The following VAV1 variants were observed in gnomAD, a reference collection of about 807,000 sequenced individuals.
The protein encoded by VAV1 is vav guanine nucleotide exchange factor 1.
In VAV1, 33 loss-of-function variants were observed where a neutral mutation model predicts 128.1. That is an observed-to-expected ratio of 0.26 (90% CI 0.20 to 0.34). The LOEUF is 0.34. VAV1 is among the 10% of genes least tolerant of loss of function. The pLI is 1.00. For missense variants in VAV1, 715 were observed against 1,093.7 expected, an observed-to-expected ratio of 0.65 and a Z score of 4.88; for synonymous variants, 394 against 409.8, an observed-to-expected ratio of 0.96 and a Z score of 0.47.
chr19:6,785,388 G>A (rs1421956300), intron 1 of VAV1, among the ~76,000 whole-genome samples: 1 of 152,172 alleles, frequency 6.6e-6, no homozygotes, highest in Non-Finnish European at 1.5e-5. Context: ...CTGGAGTGCA[G>A]TGACATGATC....
intron 24 of VAV1, among the ~76,000 whole-genome samples, chr19:6,851,352 A>T (rs186482240): frequency 0.023 from 3,436 of 149,786 alleles, 141 homozygotes; most frequent in African/African-American, 0.079. Flanking sequence ...TTAAAAAAAA[A>T]TTTTTTTTTT....
chr19:6,798,606 T>C (rs962145554), intron 1 of VAV1, among the ~76,000 whole-genome samples: 13 of 152,082 alleles, frequency 8.5e-5, no homozygotes, highest in African/African-American at 3.1e-4. Context: ...TGAGCCAGGA[T>C]TGCACCACTG....
intron 13 of VAV1, 62 bp from the exon 14 acceptor site, chr19:6,829,724 T>A: frequency 1.2e-6 from 2 of 1,601,748 alleles, no homozygotes; most frequent in Non-Finnish European, 1.7e-6. Context: ...GAGGAACTGG[T>A]CAGAGGGCTG....
At chr19:6,827,147 CGG>C (rs1019423111) in intron 9 of VAV1, 11 of 187,856 alleles carry the variant, frequency 5.9e-5, no homozygotes, top group African/African-American at 2.5e-4. Flanking sequence ...GTGGTGAGGA[CGG>C]GGGCTCTCCA....
At chr19:6,784,324 C>A in intron 1 of VAV1, 2 of 463,330 alleles carry the variant, frequency 4.3e-6, no homozygotes, top group East Asian at 3.2e-5. Context: ...TGAGCCAAGG[C>A]CATGGGGGAG....
At chr19:6,799,032 TCTGTGACTGG>T (rs1971204487) in intron 1 of VAV1, among the ~76,000 whole-genome samples, 1 of 152,112 alleles carries the variant, frequency 6.6e-6, no homozygotes. Context: ...TCTGTGGTCT[TCTGTGACTGG>T]CTGCTTTCCC....
intron 1 of VAV1, among the ~76,000 whole-genome samples, chr19:6,814,672 CTTTCTTTCTTTCT>C (rs1261133024): frequency 1.4e-5 from 1 of 70,816 alleles, no homozygotes; most frequent in African/African-American, 7.4e-5. Flanking sequence ...TCCTTCCTTC[CTTTCTTTCTTTCT>C]TTCTTTCTTT....
chr19:6,786,536 A>C (rs1970897945), intron 1 of VAV1, among the ~76,000 whole-genome samples: 1 of 152,170 alleles, frequency 6.6e-6, no homozygotes, highest in Admixed American at 6.6e-5. Context: ...TAATCTTAAG[A>C]CATTGGGAGG....
intron 1 of VAV1, among the ~76,000 whole-genome samples, chr19:6,776,482 A>G (rs1970643467): frequency 6.8e-6 from 1 of 147,392 alleles, no homozygotes; most frequent in Non-Finnish European, 1.5e-5. Context: ...CCATCCATTC[A>G]TCCATTCATC....
At chr19:6,798,576 C>A (rs1971192123) in intron 1 of VAV1, among the ~76,000 whole-genome samples, 1 of 152,088 alleles carries the variant, frequency 6.6e-6, no homozygotes. Flanking sequence ...TCATTTGAAC[C>A]CAGGAAGTCG....
intron 1 of VAV1, among the ~76,000 whole-genome samples, chr19:6,798,668 C>A (rs1042003730): frequency 1.5e-4 from 22 of 151,210 alleles, no homozygotes; most frequent in Non-Finnish European, 2.7e-4. Flanking sequence ...TTCCCCCCCC[C>A]ACCCAAAAGA....
intron 1 of VAV1, among the ~76,000 whole-genome samples, chr19:6,814,671 C>CTCTCT (rs540074087): frequency 3.9e-5 from 1 of 25,796 alleles, no homozygotes; most frequent in African/African-American, 1.6e-4. Context: ...TTCCTTCCTT[C>CTCTCT]CTTTCTTTCT....
At chr19:6,850,185 G>GT (rs1191629395) in intron 23 of VAV1, among the ~76,000 whole-genome samples, 5 of 78,436 alleles carry the variant, frequency 6.4e-5, no homozygotes, top group African/African-American at 9.2e-5. Context: ...CATTTCTAGT[G>GT]TTTTTTTAAA....
intron 1 of VAV1, among the ~76,000 whole-genome samples, chr19:6,817,757 G>C (rs564702697): frequency 5.3e-5 from 8 of 152,182 alleles, no homozygotes; most frequent in Non-Finnish European, 1.0e-4. Context: ...CACCGTCGTG[G>C]CTCACCGCAG....
rs1398048667 is a variant in VAV1 at position 6,826,942 on chromosome 19, C to T, written c.927+231C>T. 8 of 566,762 alleles carry T rather than the reference C, an allele frequency of 1.4e-5. No homozygotes were observed. The African/African-American group carries it at 1.5e-4, about 11-fold the overall frequency. 35.1% of individuals were successfully genotyped at this position (566,762 alleles called of 1,614,324 possible). Reference sequence around the variant, plus strand: ...CCCTGATATCAGGGTGAAGTCCTGACCCTGAACTGAGCTCTGATCTCACAC... The same window carrying T: ...CCCTGATATCAGGGTGAAGTCCTGATCCTGAACTGAGCTCTGATCTCACAC... On this transcript the variant is annotated intron_variant, in intron 9 of 26. Coordinates refer to ENST00000602142, the MANE Select transcript of VAV1 (RefSeq NM_005428.4). This position sits in a 1 kb window ranked among gnomAD's most constrained non-coding sequence, Gnocchi z 4.1.
chr19:6,821,670 A>C lies in VAV1; in HGVS notation c.370A>C (p.Arg124=). The C allele has an allele frequency of 6.2e-7, 1 of 1,614,156 alleles. No homozygotes were observed. Among genetic ancestry groups the C allele is most frequent in the Non-Finnish European group, 8.5e-7 (1 of 1,180,014 alleles). ...ALSWTPIAQN[R]GIMPFPTEEE... is the part of the protein sequence containing the mutation. ...GTCCTGGACCCCGATCGCCCAGAAC[A>C]GGGGGATCATGTGAGTAACCACCTG... is the stretch of plus-strand genomic sequence containing the variant. The change falls in exon 3 of 27, where the codon AGG becomes CGG. Residue 124 remains arginine, a synonymous_variant. Transcript: ENST00000602142.
At position 6,854,032 on chromosome 19, in the gene VAV1, T is replaced by C. The variant is rs748978595; in HGVS notation, c.2418T>C (p.Gly806=). The change falls in exon 26 of 27, where the codon GGT becomes GGC. Residue 806 remains glycine, a synonymous_variant. Transcript: ENST00000602142. The stretch of plus-strand genomic sequence containing the variant: ...GATCAGAGCTGTCGCTCAAGGAGGG[T>C]GACATCATCAAGATCCTTAACAAGA... ...RDRSELSLKE[G]DIIKILNKKG... 8 of 1,612,704 alleles carry C rather than the reference T, an allele frequency of 5.0e-6. No homozygotes were observed. In the African/African-American group the frequency reaches 5.4e-5, roughly 11 times the overall value.
chr19:6,800,989 CA>C (rs1971255413), intron 1 of VAV1, among the ~76,000 whole-genome samples: 1 of 152,208 alleles, frequency 6.6e-6, no homozygotes, highest in Admixed American at 6.5e-5. Context: ...AAAGCCTTAC[CA>C]GGTGCCTCCT....
intron 1 of VAV1, among the ~76,000 whole-genome samples, chr19:6,775,519 T>C (rs1211482365): frequency 6.6e-6 from 1 of 152,010 alleles, no homozygotes; most frequent in Non-Finnish European, 1.5e-5. Flanking sequence ...TGTGCTGGGG[T>C]TTTGAAGAGT....
Sources: allele counts gnomAD v4.1 joint callset (sites outside exome capture counted in the v4.1 genomes callset), GRCh38; gene constraint gnomAD v4.1.1; non-coding constraint Gnocchi (gnomAD v3.1); transcripts MANE v1.5; gene names NCBI Gene and HGNC (gene_info 2026-07-23, HGNC 2026-07-21).